Variants in PDE1A observed in about 807,000 individuals in gnomAD.
The protein encoded by PDE1A is dual specificity calcium/calmodulin-dependent 3',5'-cyclic nucleotide phosphodiesterase 1A.
In PDE1A, 35 loss-of-function variants were observed where a neutral mutation model predicts 61.7. The ratio of observed to expected loss-of-function variants is 0.57; its 90% CI spans 0.43 to 0.75. PDE1A has a LOEUF of 0.75. PDE1A is among the 30% of genes least tolerant of loss of function. PDE1A has a pLI of 0.00. For missense variants in PDE1A, 597 were observed against 630.6 expected (o/e 0.95, Z 0.57); for synonymous variants, 232 against 213.2 (o/e 1.09, Z -0.77).
At chr2:182,445,957 T>G (rs528358871) in intron 2 of PDE1A, among the ~76,000 whole-genome samples, 2 of 152,066 alleles carry the variant, frequency 1.3e-5, no homozygotes, top group Non-Finnish European at 2.9e-5. Flanking sequence ...TTAGTTATGA[T>G]AGAAATGAGG....
intron 10 of PDE1A, among the ~76,000 whole-genome samples, chr2:182,194,783 T>A (rs3769787): frequency 6.6e-6 from 1 of 151,922 alleles, no homozygotes; most frequent in East Asian, 1.9e-4. Flanking sequence ...AGTGTCTGAG[T>A]CCATTTGTTA....
intron 1 of PDE1A, among the ~76,000 whole-genome samples, chr2:182,375,222 C>T (rs1008108786): frequency 1.3e-5 from 2 of 152,118 alleles, no homozygotes; most frequent in Non-Finnish European, 2.9e-5. Context: ...CCAGCAGTAC[C>T]CCAAAGTCCT....
chr2:182,692,236 C>T, the PDE1A span, among the ~76,000 whole-genome samples: 12 of 152,192 alleles, frequency 7.9e-5, no homozygotes, highest in East Asian at 3.9e-4. Context: ...TTTATTGCGG[C>T]ACTACTCACA....
the PDE1A span, among the ~76,000 whole-genome samples, chr2:182,692,904 T>C: frequency 6.6e-6 from 1 of 151,938 alleles, no homozygotes; most frequent in Non-Finnish European, 1.5e-5. Context: ...AGTGGTTACA[T>C]AATTTATTGA....
intron 1 of PDE1A, among the ~76,000 whole-genome samples, chr2:182,356,712 C>T (rs1248520964): frequency 6.6e-6 from 1 of 152,010 alleles, no homozygotes; most frequent in Non-Finnish European, 1.5e-5. Context: ...CCAGCCTGAA[C>T]GATAGAGTGA....
chr2:182,486,488 C>A (rs1232449908), intron 2 of PDE1A, among the ~76,000 whole-genome samples: 2 of 151,906 alleles, frequency 1.3e-5, no homozygotes, highest in South Asian at 2.1e-4. Context: ...CTAGAATAGC[C>A]AGAACAATTT....
the PDE1A span, among the ~76,000 whole-genome samples, chr2:182,647,433 T>C: frequency 1.3e-5 from 2 of 152,364 alleles, no homozygotes; most frequent in South Asian, 4.1e-4. Context: ...TCATATAATT[T>C]GTCATTTTTC....
chr2:182,302,198 T>C (rs1695289694), intron 1 of PDE1A, among the ~76,000 whole-genome samples: 1 of 152,226 alleles, frequency 6.6e-6, no homozygotes, highest in African/African-American at 2.4e-5. Context: ...CTGCAGTTCT[T>C]GCATCTCTTT....
the PDE1A span, among the ~76,000 whole-genome samples, chr2:182,644,421 A>G: frequency 1.3e-5 from 2 of 151,968 alleles, no homozygotes; most frequent in Non-Finnish European, 2.9e-5. Context: ...AAGTTCAAAC[A>G]TTCATCAGGT....
At chr2:182,162,283 G>A (rs1448880323) in intron 13 of PDE1A, among the ~76,000 whole-genome samples, 1 of 152,148 alleles carries the variant, frequency 6.6e-6, no homozygotes, top group Admixed American at 6.6e-5. Context: ...AAGGCAAGGT[G>A]GGCGTAGTTA....
intron 1 of PDE1A, among the ~76,000 whole-genome samples, chr2:182,376,735 T>A (rs1559392532): frequency 6.6e-6 from 1 of 152,204 alleles, no homozygotes. Flanking sequence ...AAGAGATACC[T>A]AAGACTGGGC....
chr2:182,186,091 A>C lies in PDE1A; in HGVS notation c.1329-12T>G. On this transcript the variant is annotated splice_polypyrimidine_tract_variant and intron_variant, in intron 12 of 13. Coordinates refer to ENST00000351439, the Ensembl canonical transcript of PDE1A. ...CAATGGTGGTTGAGCTAACAGTAAC[A>C]ACCAAAGAAACCAAAAAACACCATC... 1 of 1,609,920 alleles carries C rather than the reference A, an allele frequency of 6.2e-7. No individual in the cohort carries two copies. The highest frequency in any genetic ancestry group is 8.5e-7 in the Non-Finnish European group (1 of 1,177,378).
intron 1 of PDE1A, among the ~76,000 whole-genome samples, chr2:182,365,304 G>T (rs1465284504): frequency 6.6e-6 from 1 of 151,948 alleles, no homozygotes; most frequent in Admixed American, 6.6e-5. Flanking sequence ...TTCCTCTTTT[G>T]CAAGCTAACC....
intron 7 of PDE1A, among the ~76,000 whole-genome samples, chr2:182,206,829 C>A (rs1428130816): frequency 6.6e-6 from 1 of 152,084 alleles, no homozygotes; most frequent in African/African-American, 2.4e-5. Flanking sequence ...GTTTAAAAGC[C>A]TGTAGCACTT....
At chr2:182,491,853 T>C (rs1045510001) in intron 2 of PDE1A, among the ~76,000 whole-genome samples, 2 of 152,232 alleles carry the variant, frequency 1.3e-5, no homozygotes, top group South Asian at 2.1e-4. Context: ...ACCAGTTGTT[T>C]CTTATTTCTC....
chr2:182,385,386 A>G (rs1446661055), intron 1 of PDE1A, among the ~76,000 whole-genome samples: 2 of 152,120 alleles, frequency 1.3e-5, no homozygotes, highest in Admixed American at 6.5e-5. Context: ...ATATAAAAAG[A>G]TGGAAATTAT....
chr2:182,155,608 A>G (rs923387448), intron 13 of PDE1A, among the ~76,000 whole-genome samples: 1 of 152,150 alleles, frequency 6.6e-6, no homozygotes, highest in Non-Finnish European at 1.5e-5. Context: ...CCCACATGTC[A>G]GCCAGGTGCA....
chr2:182,446,552 A>T (rs1257424756), intron 2 of PDE1A, among the ~76,000 whole-genome samples: 2 of 152,150 alleles, frequency 1.3e-5, no homozygotes, highest in East Asian at 1.9e-4. Flanking sequence ...AACTGAGGAC[A>T]GATATCTATT....
intron 13 of PDE1A, among the ~76,000 whole-genome samples, chr2:182,148,371 A>G (rs901201142): frequency 2.6e-5 from 4 of 152,188 alleles, no homozygotes; most frequent in Non-Finnish European, 5.9e-5. Flanking sequence ...ATGGGAGAGA[A>G]GAAAGCTAAG....
Sources: gnomAD v4.1 joint callset for allele counts (sites outside exome capture counted in the v4.1 genomes callset) on GRCh38, gnomAD v4.1.1 for gene constraint, MANE v1.5 for transcripts, NCBI Gene and HGNC (gene_info 2026-07-23, HGNC 2026-07-21) for gene names.